Variants in MAEA observed in about 807,000 individuals in gnomAD.
MAEA encodes macrophage erythroblast attacher, E3 ubiquitin ligase, also known as E3 ubiquitin-protein transferase MAEA.
In MAEA, 22 loss-of-function variants were observed where a neutral mutation model predicts 46.2. The ratio of observed to expected loss-of-function variants is 0.48; its 90% CI spans 0.34 to 0.68. MAEA has a LOEUF of 0.68. Among genes scored for constraint, MAEA ranks in the 30% least tolerant of loss-of-function variants. The pLI is 0.01. For missense variants in MAEA, 393 were observed against 558.1 expected, an observed-to-expected ratio of 0.70 and a Z score of 2.98; for synonymous variants, 246 against 222.6, an observed-to-expected ratio of 1.11 and a Z score of -0.94.
intron 1 of MAEA, among the ~76,000 whole-genome samples, chr4:1,294,722 C>T (rs183487647): frequency 6.7e-6 from 1 of 149,464 alleles, no homozygotes; most frequent in African/African-American, 2.5e-5. Flanking sequence ...GGCATCAGCA[C>T]AAGCACACAC....
At chr4:1,321,885 T>A (rs1738171812) in intron 3 of MAEA, among the ~76,000 whole-genome samples, 1 of 152,010 alleles carries the variant, frequency 6.6e-6, no homozygotes. Flanking sequence ...TTTTTTTTTT[T>A]TTCTTTGCTT....
At chr4:1,303,427 C>T (rs958448107) in intron 1 of MAEA, among the ~76,000 whole-genome samples, 1 of 147,598 alleles carries the variant, frequency 6.8e-6, no homozygotes, top group Admixed American at 6.7e-5. Flanking sequence ...TCATGTCCTT[C>T]TCGATAGCAG....
At position 1,321,728 on chromosome 4, in the gene MAEA, G is replaced by A. The variant is rs116827848; in HGVS notation, c.457-653G>A. Among the ~76,000 whole-genome samples, 1,520 of 152,222 alleles carry A rather than the reference G, an allele frequency of 1.0e-2. 24 individuals carry two copies. Among genetic ancestry groups the A allele is most frequent in the African/African-American group, 0.034 (1,392 of 41,522 alleles). ...CTGAGCGCTTGCCCCAAGCCTTGCC[G>A]TGCCTGGTGGAGTCCCGTACCAGCT... On this transcript the variant is annotated intron_variant, in intron 3 of 8. Coordinates refer to ENST00000303400, the MANE Select transcript of MAEA (RefSeq NM_001017405.3).
intron 4 of MAEA, 142 bp from the exon 5 acceptor site, chr4:1,327,485 A>G (rs926642502): frequency 4.2e-6 from 3 of 712,602 alleles, no homozygotes; most frequent in East Asian, 2.6e-5. Flanking sequence ...CTTCAGCCTC[A>G]GCCCTGCCTT....
intron 2 of MAEA, among the ~76,000 whole-genome samples, chr4:1,314,381 A>G (rs910115967): frequency 7.6e-6 from 1 of 131,198 alleles, no homozygotes; most frequent in African/African-American, 2.5e-5. Flanking sequence ...GGGAAATATA[A>G]TAACCAAAAA....
intron 6 of MAEA, chr4:1,335,357 T>C (rs1712609535): frequency 2.0e-6 from 2 of 985,396 alleles, no homozygotes; most frequent in Non-Finnish European, 2.4e-6. Flanking sequence ...TTCAAGTTGA[T>C]TCACAAGTGA....
intron 3 of MAEA, among the ~76,000 whole-genome samples, chr4:1,319,824 C>T (rs1375086076): frequency 6.6e-6 from 1 of 151,840 alleles, no homozygotes; most frequent in Non-Finnish European, 1.5e-5. Context: ...GAAGGGGCTT[C>T]AGAAAAGAAA....
chr4:1,327,149 A>G (rs549824360), intron 4 of MAEA, among the ~76,000 whole-genome samples: 1 of 152,370 alleles, frequency 6.6e-6, no homozygotes, highest in East Asian at 1.9e-4. Context: ...TTCTCCCAGA[A>G]CAGCCCCGGG....
intron 6 of MAEA, chr4:1,335,306 A>AT (rs1441337897): frequency 3.3e-5 from 33 of 985,368 alleles, no homozygotes; most frequent in South Asian, 4.7e-5. Context: ...GTGTGAGTCT[A>AT]TTTTTTGTCA....
At chr4:1,323,908 G>A (rs1291317322) in intron 4 of MAEA, among the ~76,000 whole-genome samples, 1 of 152,200 alleles carries the variant, frequency 6.6e-6, no homozygotes, top group Admixed American at 6.6e-5. Context: ...CCTGGTGTTG[G>A]ATGAAGTTGA....
intron 1 of MAEA, among the ~76,000 whole-genome samples, chr4:1,290,308 C>T (rs1479179479): frequency 6.6e-6 from 1 of 151,990 alleles, no homozygotes; most frequent in Non-Finnish European, 1.5e-5. Flanking sequence ...CGTGGGGTCT[C>T]TGGCGCCCAG....
intron 4 of MAEA, among the ~76,000 whole-genome samples, chr4:1,323,771 C>T (rs1399896088): frequency 2.6e-5 from 4 of 152,236 alleles, no homozygotes; most frequent in Non-Finnish European, 4.4e-5. Context: ...GCCCTAATTA[C>T]CTGCCGGACA....
intron 5 of MAEA, chr4:1,329,223 A>C (rs999079168): frequency 1.0e-6 from 1 of 984,930 alleles, no homozygotes; most frequent in African/African-American, 1.8e-5. Flanking sequence ...CATAGGGTCT[A>C]TTTGCCTGTG....
At chr4:1,326,958 C>G (rs181080871) in intron 4 of MAEA, among the ~76,000 whole-genome samples, 143 of 152,012 alleles carry the variant, frequency 9.4e-4, no homozygotes, top group Admixed American at 7.7e-3. Context: ...CTGTGAGGCA[C>G]CAGCCAGCAA....
At chr4:1,319,419 T>C (rs61053739) in intron 3 of MAEA, among the ~76,000 whole-genome samples, 10,242 of 152,136 alleles carry the variant, frequency 0.067, 1,096 homozygotes, top group African/African-American at 0.23. Flanking sequence ...AGATGGTTTC[T>C]AGTTTCAGTT....
At chr4:1,322,569 C>G in intron 4 of MAEA, 66 bp downstream of exon 4, 2 of 1,587,778 alleles carry the variant, frequency 1.3e-6, no homozygotes, top group South Asian at 2.3e-5. Flanking sequence ...TGCCCTGGAG[C>G]CAGCACCCCC....
intron 1 of MAEA, among the ~76,000 whole-genome samples, chr4:1,307,929 G>A (rs1735993220): frequency 6.6e-6 from 1 of 152,092 alleles, no homozygotes; most frequent in South Asian, 2.1e-4. Context: ...ACACCCAGAA[G>A]TAATGCTTCA....
chr4:1,329,206 C>G, intron 5 of MAEA: 1 of 985,674 alleles, frequency 1.0e-6, no homozygotes, highest in South Asian at 4.7e-5. Context: ...CTGTTACCCC[C>G]ACTCCGCATA....
At position 1,316,090 on chromosome 4, in the gene MAEA, C is replaced by T. The variant is rs886362792; in HGVS notation, c.456+490C>T. Among the ~76,000 whole-genome samples the T allele has an allele frequency of 1.3e-4, 20 of 152,148 alleles. 2 individuals are homozygous for T. The highest frequency in any genetic ancestry group is 2.1e-4 in the South Asian group (1 of 4,818). On this transcript the variant is annotated intron_variant, in intron 3 of 8. Transcript: ENST00000303400. ...ACATCCTGCTTAGGATTTTCCCGCC[C>T]GATACCTGTACCCCGGGTTTTGCGC...
Sources: allele counts gnomAD v4.1 joint callset (sites outside exome capture counted in the v4.1 genomes callset), GRCh38; gene constraint gnomAD v4.1.1; transcripts MANE v1.5; gene names NCBI Gene and HGNC (gene_info 2026-07-23, HGNC 2026-07-21).